OR4F16: variants seen among roughly 807,000 people sequenced by gnomAD.
The protein encoded by OR4F16 is olfactory receptor family 4 subfamily F member 16, also known as olfactory receptor 4F3/4F16/4F29.
chr1:713,930 TCTCA>T, the OR4F16 span, among the ~76,000 whole-genome samples: 1 of 124,058 alleles, frequency 8.1e-6, no homozygotes, highest in Non-Finnish European at 1.7e-5. Context: ...CTGCCTCTCC[TCTCA>T]CTCTATACTA....
At chr1:691,396 GC>G (rs770009340), upstream of OR4F16, among the ~76,000 whole-genome samples, 23 of 147,866 alleles carry the variant, frequency 1.6e-4, no homozygotes, top group African/African-American at 4.1e-4. Context: ...ATTTCCCAGT[GC>G]CCCCCCCAAA....
At chr1:676,798 G>A in the OR4F16 span, among the ~76,000 whole-genome samples, 4 of 120,682 alleles carry the variant, frequency 3.3e-5, 2 homozygotes, top group South Asian at 5.2e-4. Flanking sequence ...CAGACTTAAA[G>A]CATCTTTGAA....
At chr1:690,950 A>G (rs56340460), upstream of OR4F16, among the ~76,000 whole-genome samples, 7 of 147,988 alleles carry the variant, frequency 4.7e-5, no homozygotes, top group Non-Finnish European at 1.0e-4. Context: ...CAAGGTGATG[A>G]ATATCCAAAT....
chr1:701,430 T>G, the OR4F16 span, among the ~76,000 whole-genome samples: 3 of 149,686 alleles, frequency 2.0e-5, no homozygotes, highest in Admixed American at 6.7e-5. Context: ...AAATTAAGCT[T>G]TTAAGAAATT....
upstream of OR4F16, among the ~76,000 whole-genome samples, chr1:690,060 A>C (rs201506971): frequency 0.061 from 7,044 of 115,412 alleles, 88 homozygotes; most frequent in African/African-American, 0.2. Flanking sequence ...TTGCATTTAA[A>C]GGGGGAGAGA....
At chr1:701,529 C>CTGGTGA in the OR4F16 span, among the ~76,000 whole-genome samples, 1 of 150,302 alleles carries the variant, frequency 6.7e-6, no homozygotes, top group African/African-American at 2.5e-5. Context: ...TCAGACTGCT[C>CTGGTGA]TGGTGAAGGT....
the OR4F16 span, among the ~76,000 whole-genome samples, chr1:701,305 A>G: frequency 6.8e-4 from 102 of 150,010 alleles, 6 homozygotes; most frequent in African/African-American, 2.0e-3. Context: ...CACCAAAGTC[A>G]TATTCTGATG....
the OR4F16 span, chr1:701,856 C>T: frequency 1.3e-5 from 2 of 151,670 alleles, no homozygotes; most frequent in Non-Finnish European, 2.9e-5. Flanking sequence ...ATGATCTGTA[C>T]AATAACCCCC....
chr1:713,488 T>C, the OR4F16 span, among the ~76,000 whole-genome samples: 3 of 139,516 alleles, frequency 2.2e-5, no homozygotes, highest in Non-Finnish European at 4.4e-5. Flanking sequence ...CTTTTGTTTA[T>C]ATAGTCAATC....
the OR4F16 span, among the ~76,000 whole-genome samples, chr1:676,783 T>G: frequency 8.2e-6 from 1 of 121,228 alleles, no homozygotes; most frequent in Non-Finnish European, 1.6e-5. Flanking sequence ...TGGGCACAGC[T>G]TCAGCAGACT....
the OR4F16 span, among the ~76,000 whole-genome samples, chr1:701,481 G>A: frequency 1.3e-5 from 2 of 150,268 alleles, no homozygotes; most frequent in South Asian, 2.1e-4. Context: ...AAGAGACTGA[G>A]GATTACAGCC....
the OR4F16 span, among the ~76,000 whole-genome samples, chr1:680,001 C>T: frequency 7.5e-6 from 1 of 134,102 alleles, no homozygotes; most frequent in Non-Finnish European, 1.6e-5. Context: ...AGCAGCATAT[C>T]AAAAGCTTGT....
the OR4F16 span, among the ~76,000 whole-genome samples, chr1:715,666 TAC>T: frequency 1.1e-5 from 1 of 90,620 alleles, no homozygotes; most frequent in Non-Finnish European, 2.1e-5. Flanking sequence ...ACTCTGTCTC[TAC>T]AAAAAATACA....
chr1:717,174 C>T, the OR4F16 span, among the ~76,000 whole-genome samples: 1 of 147,992 alleles, frequency 6.8e-6, no homozygotes, highest in East Asian at 2.0e-4. Context: ...CTCTGTATCC[C>T]ATGAATATGT....
At chr1:718,900 T>C in the OR4F16 span, among the ~76,000 whole-genome samples, 3 of 119,370 alleles carry the variant, frequency 2.5e-5, no homozygotes, top group Non-Finnish European at 5.2e-5. Flanking sequence ...GGCTAATTTT[T>C]GTACTATTAG....
chr1:696,980 CAT>C, the OR4F16 span, among the ~76,000 whole-genome samples: 1 of 115,444 alleles, frequency 8.7e-6, no homozygotes, highest in Non-Finnish European at 1.6e-5. Flanking sequence ...ATATTAATAC[CAT>C]GAAAATATTA....
upstream of OR4F16, among the ~76,000 whole-genome samples, chr1:690,565 T>A (rs1416484671): frequency 1.2e-3 from 168 of 142,202 alleles, no homozygotes; most frequent in African/African-American, 4.4e-3. Context: ...TTGAATAAAT[T>A]CACAAACTTA....
chr1:680,105 T>C, the OR4F16 span, among the ~76,000 whole-genome samples: 2 of 115,230 alleles, frequency 1.7e-5, no homozygotes, highest in African/African-American at 7.2e-5. Flanking sequence ...ATAGAACCAA[T>C]GGCAAAAACC....
At chr1:702,278 T>G in the OR4F16 span, 1 of 129,776 alleles carries the variant, frequency 7.7e-6, no homozygotes, top group Admixed American at 8.1e-5. Context: ...ACCCAGGAGG[T>G]GGAGTTTACA....
Sources: gnomAD v4.1 joint callset for allele counts (sites outside exome capture counted in the v4.1 genomes callset) on GRCh38, gnomAD v4.1.1 for gene constraint, MANE v1.5 for transcripts, NCBI Gene and HGNC (gene_info 2026-07-23, HGNC 2026-07-21) for gene names.